Variants in NDUFS7 observed in about 807,000 individuals in gnomAD.
The protein encoded by NDUFS7 is NADH dehydrogenase [ubiquinone] iron-sulfur protein 7, mitochondrial.
Under a neutral mutation model 31.1 loss-of-function variants are expected in NDUFS7, and 11 were observed. The observed-to-expected ratio is 0.35, with a 90% CI of 0.22 to 0.59. The LOEUF is 0.59. NDUFS7 is among the 20% of genes least tolerant of loss of function. The pLI is 0.79. For synonymous variants in NDUFS7, 136 were observed against 127.9 expected, an observed-to-expected ratio of 1.06 and a Z score of -0.43; for missense variants, 263 against 324.2, an observed-to-expected ratio of 0.81 and a Z score of 1.45.
chr19:1,395,486 T>TAGCGCCGCC lies in NDUFS7; in HGVS notation c.641_*7dup, dbSNP rs768062179. 1.9e-6 allele frequency: 3 copies of TAGCGCCGCC among 1,577,878 alleles called. No homozygotes were observed. The East Asian group carries it at 6.9e-5, about 36-fold the overall frequency. On this transcript the variant is annotated inframe_insertion and stop_retained_variant, in exon 8 of 8. Coordinates refer to ENST00000233627, the MANE Select transcript of NDUFS7 (RefSeq NM_024407.5). ...GAGGCTGCAGATCTGGTACCGCAGGTAGCGCCGCCGCCGCCGCCGCCGGAG... is the reference window on the plus strand; with the variant it reads ...GAGGCTGCAGATCTGGTACCGCAGGTAGCGCCGCCAGCGCCGCCGCCGCCGCCGCCGGAG...
intron 6 of NDUFS7, among the ~76,000 whole-genome samples, chr19:1,391,437 G>A (rs2082556850): frequency 6.6e-6 from 1 of 151,138 alleles, no homozygotes; most frequent in African/African-American, 2.4e-5. Context: ...GACAGGTGCT[G>A]TAGATAGTTT....
intron 3 of NDUFS7, 36 bp from the exon 4 acceptor site, chr19:1,388,797 G>T (rs1284993897): frequency 5.1e-6 from 8 of 1,558,686 alleles, no homozygotes; most frequent in Non-Finnish European, 7.0e-6. Flanking sequence ...CACCTGCGTG[G>T]CTGACGCCTC....
intron 4 of NDUFS7, chr19:1,389,747 ACAGCC>A: frequency 2.9e-6 from 1 of 345,208 alleles, no homozygotes; most frequent in South Asian, 2.2e-5. Context: ...ACTTGCTGCG[ACAGCC>A]CGGGTTCAAC....
chr19:1,389,222 CAT>C (rs1491264807), intron 4 of NDUFS7: 2 of 676,428 alleles, frequency 3.0e-6, no homozygotes, highest in Non-Finnish European at 5.4e-6. Context: ...CACATACACA[CAT>C]GCACACTTGC....
At chr19:1,388,073 G>A (rs1047544945) in intron 2 of NDUFS7, 1 of 635,568 alleles carries the variant, frequency 1.6e-6, no homozygotes, top group Non-Finnish European at 2.8e-6. Flanking sequence ...AAAACCCTGT[G>A]GGCCCGGCTC....
chr19:1,393,225 C>G lies in NDUFS7; in HGVS notation c.456-17C>G, dbSNP rs112191599. Reference sequence around the variant, plus strand: ...GCGGGTCTTCGGCACACTCCCCTCACGGTGCCTCCCCAACAGCTGCGCCAA... The same window carrying G: ...GCGGGTCTTCGGCACACTCCCCTCAGGGTGCCTCCCCAACAGCTGCGCCAA... On this transcript the variant is annotated splice_polypyrimidine_tract_variant and intron_variant, in intron 6 of 7. Transcript: ENST00000233627. The surrounding 1 kb of genome is among the most constrained non-coding windows in gnomAD (Gnocchi z 7.3). 3 of 1,548,694 alleles carry G rather than the reference C, an allele frequency of 1.9e-6. No homozygotes were observed. The highest frequency in any genetic ancestry group is 2.6e-6 in the Non-Finnish European group (3 of 1,146,862).
At chr19:1,385,015 C>T (rs1340212968) in intron 1 of NDUFS7, among the ~76,000 whole-genome samples, 7 of 151,982 alleles carry the variant, frequency 4.6e-5, no homozygotes, top group Non-Finnish European at 1.0e-4. Context: ...GGGGTCTTGC[C>T]CTGTTGCCCA....
chr19:1,389,054 C>T, intron 4 of NDUFS7, 116 bp downstream of exon 4: 1 of 880,052 alleles, frequency 1.1e-6, no homozygotes, highest in Non-Finnish European at 1.9e-6. Flanking sequence ...CATGCATGCA[C>T]ACTCACATGC....
intron 1 of NDUFS7, among the ~76,000 whole-genome samples, chr19:1,385,631 C>G (rs902333517): frequency 1.3e-5 from 2 of 152,158 alleles, no homozygotes; most frequent in South Asian, 2.1e-4. Flanking sequence ...CCAGCCTGAT[C>G]AACATGGAGA....
At chr19:1,394,760 G>A (rs1188882354) in intron 7 of NDUFS7, 1 of 1,185,076 alleles carries the variant, frequency 8.4e-7, no homozygotes, top group Non-Finnish European at 1.1e-6. Context: ...GGTGGGGCCT[G>A]GCCGCCCTTT....
intron 1 of NDUFS7, chr19:1,386,407 A>G (rs1237669026): frequency 2.0e-5 from 3 of 152,098 alleles, no homozygotes; most frequent in African/African-American, 7.3e-5. Context: ...TCCTCTGTAC[A>G]TGTTTGTGTC....
chr19:1,390,526 C>G, intron 4 of NDUFS7: 1 of 435,938 alleles, frequency 2.3e-6, no homozygotes, highest in South Asian at 2.4e-5. Context: ...AGAGAGTTCC[C>G]GGTTAGACCT....
chr19:1,385,415 G>C (rs1179325879), intron 1 of NDUFS7, among the ~76,000 whole-genome samples: 1 of 152,074 alleles, frequency 6.6e-6, no homozygotes, highest in African/African-American at 2.4e-5. Context: ...TGGGGGGCTG[G>C]GGCAAGAGAA....
intron 4 of NDUFS7, 196 bp downstream of exon 4, chr19:1,389,134 AATGCACAT>A (rs1249685071): frequency 2.8e-6 from 2 of 705,386 alleles, no homozygotes; most frequent in East Asian, 5.4e-5. Flanking sequence ...TCACGCACAC[AATGCACAT>A]ATGCACACTC....
At chr19:1,394,205 C>A in intron 7 of NDUFS7, 1 of 416,922 alleles carries the variant, frequency 2.4e-6, no homozygotes, top group Non-Finnish European at 4.2e-6. Context: ...GATTCCGCTT[C>A]CCTGGAAAGG....
chr19:1,388,962 C>A (rs1480945658), intron 4 of NDUFS7, 24 bp downstream of exon 4: 3 of 1,575,190 alleles, frequency 1.9e-6, no homozygotes, highest in African/African-American at 2.7e-5. Flanking sequence ...GCTGTAGGCC[C>A]TCCTCGAGCG....
chr19:1,389,127 C>G, intron 4 of NDUFS7, 189 bp downstream of exon 4: 1 of 707,550 alleles, frequency 1.4e-6, no homozygotes, highest in Non-Finnish European at 2.6e-6. Flanking sequence ...CGCACACTCA[C>G]GCACACAATG....
At chr19:1,391,797 T>C (rs1185210007) in intron 6 of NDUFS7, 1 of 153,844 alleles carries the variant, frequency 6.5e-6, no homozygotes, top group South Asian at 2.0e-4. Context: ...CCTCATTTTT[T>C]AGTCATTTCC....
intron 5 of NDUFS7, 27 bp downstream of exon 5, chr19:1,391,077 G>A (rs372206576): frequency 7.4e-6 from 12 of 1,612,078 alleles, no homozygotes; most frequent in African/African-American, 6.7e-5. Context: ...CCGCCCAGCC[G>A]CCCCCAGAGT....
Sources: allele counts gnomAD v4.1 joint callset (sites outside exome capture counted in the v4.1 genomes callset), GRCh38; gene constraint gnomAD v4.1.1; non-coding constraint Gnocchi (gnomAD v3.1); transcripts MANE v1.5; gene names NCBI Gene and HGNC (gene_info 2026-07-23, HGNC 2026-07-21).